SDK1: variants seen among roughly 807,000 people sequenced by gnomAD.
The protein encoded by SDK1 is protein sidekick-1.
In SDK1, 157 loss-of-function variants were observed where a neutral mutation model predicts 245.5. That is an observed-to-expected ratio of 0.64 (90% CI 0.56 to 0.73). SDK1 has a LOEUF of 0.73. Among genes scored for constraint, SDK1 ranks in the 30% least tolerant of loss-of-function variants. SDK1 has a pLI of 0.00. For synonymous variants in SDK1, 1,647 were observed against 1,278.5 expected, an observed-to-expected ratio of 1.29 and a Z score of -6.15; for missense variants, 3,583 against 3,002.3, an observed-to-expected ratio of 1.19 and a Z score of -4.52.
At chr7:4,097,841 G>A (rs1782261063) in intron 22 of SDK1, among the ~76,000 whole-genome samples, 1 of 152,294 alleles carries the variant, frequency 6.6e-6, no homozygotes, top group Non-Finnish European at 1.5e-5. Flanking sequence ...AGGAACAAGA[G>A]TGACATTATC....
Position 4,049,464 on chromosome 7 carries a change from G to GT in SDK1, c.2718+2dup. The stretch of plus-strand genomic sequence containing the variant: ...CAATGGCATCAACCAGGGATACAAG[G>GT]TACGTGGCCTGGGTTCAGGGCCTGT... On this transcript the variant is annotated splice_donor_variant, in intron 18 of 44. Coordinates refer to ENST00000404826, the MANE Select transcript of SDK1 (RefSeq NM_152744.4). LOFTEE classifies it high-confidence loss of function. 1.9e-6 allele frequency: 3 copies of GT among 1,610,750 alleles called. No individual in the cohort carries two copies. Among genetic ancestry groups the GT allele is most frequent in the Non-Finnish European group, 1.7e-6 (2 of 1,176,950 alleles).
In SDK1 at chr7:3,696,572, TTGTG is replaced by T. The variant is rs71552319; in HGVS notation, c.713+54493_713+54496del. On this transcript the variant is annotated intron_variant, in intron 4 of 44. Coordinates refer to ENST00000404826, the MANE Select transcript of SDK1 (RefSeq NM_152744.4). Reference sequence around the variant, plus strand: ...TCACAGAGCTTACATTTCTCTGTGTTTGTGTGTGTGTGTGTGTGTGTGTGTGTGT... The same window carrying T: ...TCACAGAGCTTACATTTCTCTGTGTTTGTGTGTGTGTGTGTGTGTGTGTGT... Among the ~76,000 whole-genome samples the T allele has an allele frequency of 7.8e-3, 1,157 of 147,488 alleles. 10 individuals are homozygous for T. Among genetic ancestry groups the T allele is most frequent in the African/African-American group, 0.023 (911 of 39,938 alleles).
intron 1 of SDK1, among the ~76,000 whole-genome samples, chr7:3,608,287 C>T (rs969909871): frequency 1.8e-4 from 27 of 152,228 alleles, no homozygotes; most frequent in Admixed American, 4.6e-4. Flanking sequence ...CAAAATGTGC[C>T]GGTTGTCTCA....
At chr7:3,907,396 C>T (rs1778988558) in intron 5 of SDK1, among the ~76,000 whole-genome samples, 1 of 152,164 alleles carries the variant, frequency 6.6e-6, no homozygotes, top group Non-Finnish European at 1.5e-5. Context: ...GCTTATTTTA[C>T]TTACCGTAAT....
At position 4,259,879 on chromosome 7, in the gene SDK1, C is replaced by T. The variant is rs901751854; in HGVS notation, c.6382-5245C>T. Among the ~76,000 whole-genome samples the T allele has an allele frequency of 9.2e-5, 14 of 152,182 alleles. 1 individual carries two copies. Among genetic ancestry groups the T allele is most frequent in the Non-Finnish European group, 2.9e-5 (2 of 68,024 alleles). ...GGTGAACCCGAGGGGTTGGGGAGCTCAGGTGCAGGCTCCCACCCAGCCTCT... is the reference window on the plus strand; with the variant it reads ...GGTGAACCCGAGGGGTTGGGGAGCTTAGGTGCAGGCTCCCACCCAGCCTCT... On this transcript the variant is annotated intron_variant, in intron 44 of 44. Transcript: ENST00000404826.
intron 5 of SDK1, among the ~76,000 whole-genome samples, chr7:3,929,020 T>A (rs886191619): frequency 1.3e-5 from 2 of 152,254 alleles, no homozygotes; most frequent in African/African-American, 4.8e-5. Flanking sequence ...TCTTTCTCAG[T>A]GTCACCAGAG....
intron 1 of SDK1, among the ~76,000 whole-genome samples, chr7:3,533,487 A>G (rs1230564644): frequency 2.0e-5 from 3 of 152,226 alleles, no homozygotes; most frequent in Non-Finnish European, 4.4e-5. Context: ...GGCTTATGTT[A>G]TAGGCATTGT....
intron 41 of SDK1, among the ~76,000 whole-genome samples, chr7:4,234,304 C>G (rs1786005229): frequency 6.6e-6 from 1 of 152,162 alleles, no homozygotes; most frequent in Non-Finnish European, 1.5e-5. Context: ...AGAGGCCACC[C>G]TGGGTCCAGG....
chr7:4,154,484 A>G (rs941310648), intron 30 of SDK1, among the ~76,000 whole-genome samples: 5 of 152,002 alleles, frequency 3.3e-5, no homozygotes, highest in African/African-American at 1.2e-4. Context: ...GGAATGAGCA[A>G]AGGCCCGGGG....
chr7:4,012,592 T>TTTTTTTTTG (rs1786076431), intron 16 of SDK1, among the ~76,000 whole-genome samples: 1 of 126,324 alleles, frequency 7.9e-6, no homozygotes, highest in Non-Finnish European at 1.6e-5. Context: ...TTTTTTTTTT[T>TTTTTTTTTG]GATGGAGTTT....
chr7:3,312,563 T>G (rs1313945054), intron 1 of SDK1, among the ~76,000 whole-genome samples: 5 of 127,168 alleles, frequency 3.9e-5, no homozygotes, highest in Non-Finnish European at 7.0e-5. Flanking sequence ...ATAATGGTCA[T>G]TAAGTGTTTT....
intron 13 of SDK1, among the ~76,000 whole-genome samples, chr7:3,980,391 C>A (rs1187370019): frequency 6.6e-6 from 1 of 152,216 alleles, no homozygotes; most frequent in Non-Finnish European, 1.5e-5. Context: ...AGTGACTCAG[C>A]ACTGGGCTTC....
intron 1 of SDK1, among the ~76,000 whole-genome samples, chr7:3,322,066 A>C (rs1779828958): frequency 6.6e-6 from 1 of 150,404 alleles, no homozygotes; most frequent in Admixed American, 6.6e-5. Context: ...TTTTAAAGTG[A>C]ACAGTTGAGT....
Position 3,987,907 on chromosome 7 carries a change from G to A in SDK1, c.2131+585G>A, listed in dbSNP as rs141503969. ...CTGGCTGGGTGACGTGTGCCCCGCC[G>A]TGTGCACCCACTCACGCCTCTCCGC... On this transcript the variant is annotated intron_variant, in intron 14 of 44. Transcript: ENST00000404826. 5.8e-3 allele frequency among the ~76,000 whole-genome samples: 885 copies of A among 152,098 alleles called. 15 individuals carry two copies. Among genetic ancestry groups the A allele is most frequent in the Non-Finnish European group, 5.0e-3 (340 of 67,990 alleles).
intron 1 of SDK1, among the ~76,000 whole-genome samples, chr7:3,406,588 G>C (rs900395104): frequency 1.3e-5 from 2 of 152,158 alleles, no homozygotes; most frequent in Non-Finnish European, 2.9e-5. Flanking sequence ...TGTGGATTAA[G>C]TGAAACATCA....
chr7:3,756,401 A>T (rs1014543308), intron 4 of SDK1, among the ~76,000 whole-genome samples: 2 of 151,770 alleles, frequency 1.3e-5, no homozygotes. Flanking sequence ...ACACATGCAT[A>T]TCATTGATGT....
chr7:3,927,007 C>T (rs1779795062), intron 5 of SDK1, among the ~76,000 whole-genome samples: 1 of 152,184 alleles, frequency 6.6e-6, no homozygotes, highest in Non-Finnish European at 1.5e-5. Context: ...CCGTCAATGC[C>T]TCCACCGCGC....
chr7:4,161,400 C>G (rs910736243), intron 31 of SDK1, among the ~76,000 whole-genome samples: 6 of 152,134 alleles, frequency 3.9e-5, no homozygotes, highest in African/African-American at 1.4e-4. Flanking sequence ...AAAAGTAGCT[C>G]TCACCTAGGT....
intron 1 of SDK1, among the ~76,000 whole-genome samples, chr7:3,388,905 A>T (rs1474962217): frequency 6.6e-6 from 1 of 152,204 alleles, no homozygotes; most frequent in Non-Finnish European, 1.5e-5. Context: ...TCCAGTGGGA[A>T]AGCTGGTAAT....
Sources: allele counts gnomAD v4.1 joint callset (sites outside exome capture counted in the v4.1 genomes callset), GRCh38; gene constraint gnomAD v4.1.1; transcripts MANE v1.5; gene names NCBI Gene and HGNC (gene_info 2026-07-23, HGNC 2026-07-21).